The following TRPM4 variants were observed in gnomAD, a reference collection of about 807,000 sequenced individuals.
TRPM4 encodes the protein transient receptor potential cation channel subfamily M member 4.
A neutral mutation model predicts 135.6 loss-of-function variants in TRPM4; 124 were observed. The observed-to-expected ratio is 0.91, with a 90% confidence interval of 0.79 to 1.06. The LOEUF is 1.06. TRPM4 is among the 50% of genes least tolerant of loss of function. The pLI is 0.00. For missense variants in TRPM4, 1,658 were observed against 1,671.4 expected (o/e 0.99, Z 0.14); for synonymous variants, 745 against 705.6 (o/e 1.06, Z -0.88).
chr19:49,202,170 C>T (rs766360847), intron 20 of TRPM4, 29 bp downstream of exon 20: 1 of 1,613,030 alleles, frequency 6.2e-7, no homozygotes, highest in Non-Finnish European at 8.5e-7. Context: ...CTGATCTGAC[C>T]CCACCCAGCA....
At chr19:49,164,071 C>A (rs1196658669) in intron 2 of TRPM4, among the ~76,000 whole-genome samples, 1 of 152,146 alleles carries the variant, frequency 6.6e-6, no homozygotes, top group Non-Finnish European at 1.5e-5. Context: ...CCTTGTAGCA[C>A]CTCTGCTATC....
At chr19:49,195,286 G>A (rs538955460) in intron 16 of TRPM4, among the ~76,000 whole-genome samples, 1 of 152,290 alleles carries the variant, frequency 6.6e-6, no homozygotes, top group African/African-American at 2.4e-5. Context: ...CACCATTCAT[G>A]TACCTGCTGT....
At chr19:49,181,527 CTTCTTT>C in intron 10 of TRPM4, 66 bp downstream of exon 10, 2 of 830,468 alleles carry the variant, frequency 2.4e-6, no homozygotes, top group Non-Finnish European at 3.6e-6. Context: ...CCCTCTCTGC[CTTCTTT>C]TTTTTTTTTT....
intron 16 of TRPM4, among the ~76,000 whole-genome samples, chr19:49,194,879 C>T (rs1482081767): frequency 6.6e-6 from 1 of 151,150 alleles, no homozygotes; most frequent in Non-Finnish European, 1.5e-5. Flanking sequence ...TCTCCTGCCT[C>T]AGCCTCCTGA....
In TRPM4 at chr19:49,171,863, G is replaced by A; in HGVS notation, c.1050+94G>A. 1 of 1,456,384 alleles carries A rather than the reference G, an allele frequency of 6.9e-7. No homozygotes were observed. The highest frequency in any genetic ancestry group is 2.3e-5 in the East Asian group (1 of 43,722). The allele number at this position is 1,456,384 out of a possible 1,614,324, so 90.2% of individuals were successfully genotyped here. ...TGAGGGAGGAGGGGCTGGGGGCCTG[G>A]ACTTCCAGGTTCCGGGAGAAGAGGG... On this transcript the variant is annotated intron_variant, in intron 8 of 24. Transcript: ENST00000252826. The surrounding 1 kb of genome is among the most constrained non-coding windows in gnomAD (Gnocchi z 4.7).
chr19:49,162,526 G>A (rs1301628654), intron 2 of TRPM4, among the ~76,000 whole-genome samples: 3 of 151,790 alleles, frequency 2.0e-5, no homozygotes, highest in East Asian at 3.9e-4. Context: ...GAGACAGAGC[G>A]AGACTCCATC....
Position 49,171,920 on chromosome 19 carries a change from G to A in TRPM4, c.1051-89G>A, listed in dbSNP as rs76083751. The A allele has an allele frequency of 3.4e-3, 4,646 of 1,383,296 alleles. 123 individuals are homozygous for A. In the African/African-American group the frequency reaches 0.058, roughly 17 times the overall value. 85.7% of individuals were successfully genotyped at this position (1,383,296 alleles called of 1,614,324 possible). On this transcript the variant is annotated intron_variant, in intron 8 of 24. Transcript: ENST00000252826. This position sits in a 1 kb window ranked among gnomAD's most constrained non-coding sequence, Gnocchi z 4.7. ...GCATATAGACTATTAGGTCCTGGAG[G>A]GGAATGGCCTCCTCCATCCCTTTGG...
At chr19:49,174,426 C>T (rs905552359) in intron 9 of TRPM4, among the ~76,000 whole-genome samples, 2 of 151,780 alleles carry the variant, frequency 1.3e-5, no homozygotes, top group Non-Finnish European at 2.9e-5. Context: ...GCTGGGATTA[C>T]AGGTGTGAGC....
chr19:49,209,743 C>CTTT (rs780991215), intron 20 of TRPM4, among the ~76,000 whole-genome samples: 116 of 105,846 alleles, frequency 1.1e-3, no homozygotes, highest in Non-Finnish European at 1.5e-3. Context: ...TCTAAACTGA[C>CTTT]TTTTTTTTTT....
At position 49,179,552 on chromosome 19, in the gene TRPM4, G is replaced by C. The variant is rs191497551; in HGVS notation, c.1151-1797G>C. ...TTTAGTAGAGATGGGGTTTCACCGT[G>C]TTACCCAGGCTGGTCTCGAACTCCT... is the stretch of plus-strand genomic sequence containing the variant. On this transcript the variant is annotated intron_variant, in intron 9 of 24. Coordinates refer to ENST00000252826, the MANE Select transcript of TRPM4 (RefSeq NM_017636.4). 1.0e-3 allele frequency among the ~76,000 whole-genome samples: 154 copies of C among 152,066 alleles called. 1 individual carries two copies. Among genetic ancestry groups the C allele is most frequent in the African/African-American group, 3.6e-3 (151 of 41,460 alleles).
At position 49,195,890 on chromosome 19, in the gene TRPM4, A is replaced by T. The variant is rs934785494; in HGVS notation, c.2211-550A>T. On this transcript the variant is annotated intron_variant, in intron 16 of 24. Transcript: ENST00000252826. ...TTATTTTATTATTATTATTATTATTATTTTTGAGACAGAGTCTCACTCTGT... is the reference window on the plus strand; with the variant it reads ...TTATTTTATTATTATTATTATTATTTTTTTTGAGACAGAGTCTCACTCTGT... Among the ~76,000 whole-genome samples, 314 of 149,734 alleles carry T rather than the reference A, an allele frequency of 2.1e-3. 1 individual carries two copies. The highest frequency in any genetic ancestry group is 3.2e-3 in the Non-Finnish European group (218 of 67,434).
chr19:49,173,988 A>G (rs1260343368), intron 9 of TRPM4, among the ~76,000 whole-genome samples: 1 of 151,972 alleles, frequency 6.6e-6, no homozygotes, highest in Non-Finnish European at 1.5e-5. Flanking sequence ...TAGTCAACAA[A>G]TACAATCCTA....
chr19:49,170,458 G>A (rs767970089), intron 6 of TRPM4, among the ~76,000 whole-genome samples: 37 of 152,084 alleles, frequency 2.4e-4, no homozygotes, highest in Admixed American at 5.9e-4. Context: ...CAAAGTGCTG[G>A]GATTACAGGC....
rs563344549 is a variant in TRPM4, at chr19:49,166,188, C to G, written c.240C>G (p.Phe80Leu). 6.2e-7 allele frequency: 1 copy of G among 1,608,146 alleles called. No individual in the cohort carries two copies. The highest frequency in any genetic ancestry group is 1.1e-5 in the South Asian group (1 of 89,994). ...KPTDAYGELDFTGAGRKHSNF... is the reference protein window; with the variant it reads ...KPTDAYGELDLTGAGRKHSNF... ...CCGATGCCTACGGAGAGCTGGACTT[C>G]ACGGGGGCCGGCCGCAAGCACAGCA... The change falls in exon 3 of 25, where the codon TTC (phenylalanine) becomes TTG (leucine). Residue 80 changes from phenylalanine (F) to leucine (L), a missense_variant. By Grantham distance (22) the Phe-to-Leu change is conservative. Coordinates refer to ENST00000252826, the MANE Select transcript of TRPM4 (RefSeq NM_017636.4).
intron 9 of TRPM4, among the ~76,000 whole-genome samples, chr19:49,179,286 C>A (rs953054801): frequency 4.0e-5 from 6 of 151,388 alleles, no homozygotes; most frequent in Non-Finnish European, 5.9e-5. Flanking sequence ...AACTCCTGAC[C>A]TCAGGTGATT....
At chr19:49,194,672 C>CCTCA (rs1302096555) in intron 16 of TRPM4, among the ~76,000 whole-genome samples, 1 of 142,524 alleles carries the variant, frequency 7.0e-6, no homozygotes, top group African/African-American at 2.7e-5. Context: ...TCCCTCCCTC[C>CCTCA]CTTCCTTCCT....
chr19:49,178,903 C>T (rs867016724), intron 9 of TRPM4, among the ~76,000 whole-genome samples: 7 of 151,656 alleles, frequency 4.6e-5, no homozygotes, highest in South Asian at 2.1e-4. Flanking sequence ...GCACTACAGG[C>T]GCCCGCCACC....
At chr19:49,172,170 C>A in intron 9 of TRPM4, 62 bp downstream of exon 9, 4 of 1,283,040 alleles carry the variant, frequency 3.1e-6, no homozygotes, top group Non-Finnish European at 4.5e-6. Context: ...CCTTTCCTGG[C>A]CTGGGCACTT....
In TRPM4 at chr19:49,168,057, C is replaced by A. The variant is rs776926290; in HGVS notation, c.408C>A (p.Asp136Glu). ...CCGTCCTCCAGACCTGGCTGCAGGA[C>A]CTGCTGCGTCGTGGGCTGGTGCGGG... ...GGPVLQTWLQ[D>E]LLRRGLVRAA... The change falls in exon 4 of 25, where the codon GAC becomes GAA. Residue 136 changes from aspartate to glutamate, a missense_variant. By Grantham distance (45) the Asp-to-Glu change is conservative. Coordinates refer to ENST00000252826, the MANE Select transcript of TRPM4 (RefSeq NM_017636.4). 3 of 1,611,054 alleles carry A rather than the reference C, an allele frequency of 1.9e-6. No individual in the cohort carries two copies. Among genetic ancestry groups the A allele is most frequent in the South Asian group, 1.1e-5 (1 of 91,052 alleles).
Sources: gnomAD v4.1 joint callset for allele counts (sites outside exome capture counted in the v4.1 genomes callset) on GRCh38, gnomAD v4.1.1 for gene constraint, Gnocchi (gnomAD v3.1) non-coding constraint, MANE v1.5 for transcripts, NCBI Gene and HGNC (gene_info 2026-07-23, HGNC 2026-07-21) for gene names.